The following EXD3 variants were observed in gnomAD, a reference collection of about 807,000 sequenced individuals.
EXD3 encodes exonuclease mut-7 homolog.
A neutral mutation model predicts 98.0 loss-of-function variants in EXD3; 92 were observed. The ratio of observed to expected loss-of-function variants is 0.94; its 90% CI spans 0.79 to 1.12. EXD3 has a LOEUF of 1.12. EXD3 is among the 50% of genes most tolerant of loss of function. The probability of loss-of-function intolerance (pLI) is 0.00; values close to 1 mark genes in which losing one functional copy is unlikely to be tolerated. For synonymous variants in EXD3, 569 were observed against 526.0 expected, an observed-to-expected ratio of 1.08 and a Z score of -1.12; for missense variants, 1,222 against 1,191.6, an observed-to-expected ratio of 1.03 and a Z score of -0.38.
chr9:137,388,464 G>A (rs770993049), intron 2 of EXD3, among the ~76,000 whole-genome samples: 17 of 152,172 alleles, frequency 1.1e-4, no homozygotes, highest in Non-Finnish European at 5.9e-5. Flanking sequence ...ACAGACGCAC[G>A]CGGGAAACTG....
rs201801336 is a variant in EXD3 at position 137,351,401 on chromosome 9, G to C, written c.1301C>G (p.Ser434Trp). The C allele has an allele frequency of 3.8e-5, 61 of 1,609,968 alleles. No individual in the cohort carries two copies. Among genetic ancestry groups the C allele is most frequent in the Non-Finnish European group, 5.0e-5 (59 of 1,179,026 alleles). Residue 434 changes from serine to tryptophan, a missense_variant, in exon 13 of 22, where the codon TCG becomes TGG. Transcript: ENST00000340951. ...HVFLLDVLALSQPPTGQGAQA... is the reference protein window; with the variant it reads ...HVFLLDVLALWQPPTGQGAQA... The stretch of plus-strand genomic sequence containing the variant: ...GGCTCCCTGCCCTGTTGGTGGCTGC[G>C]AGAGTGCCAGGACGTCCAGAAGGAA...
At chr9:137,338,251 G>A (rs912535350) in intron 17 of EXD3, among the ~76,000 whole-genome samples, 3 of 152,128 alleles carry the variant, frequency 2.0e-5, no homozygotes, top group East Asian at 1.9e-4. Flanking sequence ...AAAGCCCCAA[G>A]ATCCAAGCTT....
chr9:137,393,245 G>C lies in EXD3; in HGVS notation c.55+2058C>G. The C allele has an allele frequency of 1.4e-6, 1 of 702,550 alleles. No homozygotes were observed. The highest frequency in any genetic ancestry group is 2.7e-5 in the East Asian group (1 of 37,292). 43.5% of individuals were successfully genotyped at this position (702,550 alleles called of 1,614,324 possible). ...AGAAGCCTGTGGGTGCCTGTGCAGGGAGAGTCAGCTCTGTGCTGAGGCGAA... is the reference window on the plus strand; with the variant it reads ...AGAAGCCTGTGGGTGCCTGTGCAGGCAGAGTCAGCTCTGTGCTGAGGCGAA... On this transcript the variant is annotated intron_variant, in intron 2 of 21. Transcript: ENST00000340951. The surrounding 1 kb of genome is among the most constrained non-coding windows in gnomAD (Gnocchi z 4.6).
rs146453137 is a variant in EXD3, at chr9:137,391,245, C to T, written c.55+4058G>A. ...TTACGAGAGCGGCATGCGCTCATCACGGAGCTTCGTAGGAAAAGTGGCCTC... is the reference window on the plus strand; with the variant it reads ...TTACGAGAGCGGCATGCGCTCATCATGGAGCTTCGTAGGAAAAGTGGCCTC... On this transcript the variant is annotated intron_variant, in intron 2 of 21. Transcript: ENST00000340951. 2.0e-3 allele frequency among the ~76,000 whole-genome samples: 309 copies of T among 152,392 alleles called. 4 individuals are homozygous for T. In the East Asian group the frequency reaches 0.036, roughly 18 times the overall value.
At chr9:137,356,082 C>T (rs868107301) in intron 8 of EXD3, among the ~76,000 whole-genome samples, 186 bp downstream of exon 8, 1 of 152,318 alleles carries the variant, frequency 6.6e-6, no homozygotes, top group African/African-American at 2.4e-5. Flanking sequence ...AGTCGCAGGG[C>T]CCAGGCCAGG....
chr9:137,327,173 G>A (rs1446847220), intron 17 of EXD3, among the ~76,000 whole-genome samples: 1 of 149,286 alleles, frequency 6.7e-6, no homozygotes, highest in Non-Finnish European at 1.5e-5. Context: ...TTGCTCTGTC[G>A]CCCAGGCTGG....
chr9:137,406,362 G>A (rs1837714659), intron 1 of EXD3, among the ~76,000 whole-genome samples: 1 of 120,934 alleles, frequency 8.3e-6, no homozygotes, highest in South Asian at 2.8e-4. Context: ...ACAGAACCAG[G>A]GTGGCTGGCA....
At chr9:137,369,170 A>C in intron 5 of EXD3, among the ~76,000 whole-genome samples, 1 of 19,766 alleles carries the variant, frequency 5.1e-5, no homozygotes, top group South Asian at 1.3e-3. Context: ...GGCCGTGGGA[A>C]GGGGCGCAGG....
At chr9:137,394,869 C>T (rs778115887) in intron 2 of EXD3, among the ~76,000 whole-genome samples, 15 of 152,294 alleles carry the variant, frequency 9.8e-5, no homozygotes, top group East Asian at 3.9e-4. Flanking sequence ...ACCCTGGAAC[C>T]GCCCGAGACC....
At chr9:137,366,027 C>A in intron 7 of EXD3, 1 of 631,284 alleles carries the variant, frequency 1.6e-6, no homozygotes, top group Non-Finnish European at 2.9e-6. Context: ...CACACACATA[C>A]ATGCACACAC....
chr9:137,364,057 C>T (rs1355429964), intron 7 of EXD3, among the ~76,000 whole-genome samples: 1 of 151,978 alleles, frequency 6.6e-6, no homozygotes, highest in Non-Finnish European at 1.5e-5. Context: ...ATTCCTTTTC[C>T]ATCTGTTAGC....
intron 17 of EXD3, chr9:137,345,631 C>T (rs909397381): frequency 1.4e-5 from 2 of 144,688 alleles, no homozygotes. Flanking sequence ...CACTGCACTC[C>T]AGCCTGGGCA....
rs534564550 is a variant in EXD3, at chr9:137,373,215, C to G, written c.295-143G>C. On this transcript the variant is annotated intron_variant, in intron 4 of 21. Transcript: ENST00000340951. ...TCGGGTGGTCTGCAGGGCTGGGGCACGGGAGGGGCGAGGCCGGTCTCAGCA... is the reference window on the plus strand; with the variant it reads ...TCGGGTGGTCTGCAGGGCTGGGGCAGGGGAGGGGCGAGGCCGGTCTCAGCA... 20 of 1,160,916 alleles carry G rather than the reference C, an allele frequency of 1.7e-5. No homozygotes were observed. The Admixed American group carries it at 2.5e-4, about 15-fold the overall frequency. The allele number at this position is 1,160,916 out of a possible 1,614,324, so 71.9% of individuals were successfully genotyped here. A position where few individuals can be genotyped will look rare whatever the true frequency, so the allele number is the denominator to read the frequency against.
intron 7 of EXD3, among the ~76,000 whole-genome samples, chr9:137,362,530 C>G (rs1414404461): frequency 6.7e-6 from 1 of 148,544 alleles, no homozygotes; most frequent in Admixed American, 6.7e-5. Context: ...TTGATAGAGT[C>G]TCACTCTGTC....
intron 17 of EXD3, chr9:137,343,575 C>CTTCTTTTT (rs1833760503): frequency 1.8e-5 from 1 of 56,586 alleles, no homozygotes; most frequent in African/African-American, 7.9e-5. Flanking sequence ...ACTACTGTAT[C>CTTCTTTTT]TTTTTTTTTT....
intron 19 of EXD3, among the ~76,000 whole-genome samples, chr9:137,311,241 T>C (rs1831343257): frequency 1.3e-5 from 2 of 152,206 alleles, no homozygotes; most frequent in African/African-American, 2.4e-5. Context: ...TGTGCCATGA[T>C]GGCAGGTCCT....
In EXD3 at chr9:137,385,035, T is replaced by C. The variant is rs931970945; in HGVS notation, c.56-1658A>G. Among the ~76,000 whole-genome samples, 15 of 152,072 alleles carry C rather than the reference T, an allele frequency of 9.9e-5. No homozygotes were observed. Among genetic ancestry groups the C allele is most frequent in the Non-Finnish European group, 1.8e-4 (12 of 68,016 alleles). On this transcript the variant is annotated intron_variant, in intron 2 of 21. Transcript: ENST00000340951. The surrounding 1 kb of genome is among the most constrained non-coding windows in gnomAD (Gnocchi z 4.4). ...TGAACCCGGGAGGCGGAGGTCGCAG[T>C]GAGCCGAGATCGGGCCACTGCACTC...
At chr9:137,353,612 G>C in intron 10 of EXD3, 1 of 985,972 alleles carries the variant, frequency 1.0e-6, no homozygotes, top group Non-Finnish European at 1.2e-6. Flanking sequence ...AGCCACCGTG[G>C]CAGCGCCCAG....
intron 17 of EXD3, among the ~76,000 whole-genome samples, chr9:137,345,027 C>CAGG (rs1173854990): frequency 6.6e-6 from 1 of 152,260 alleles, no homozygotes; most frequent in Admixed American, 6.5e-5. Context: ...AGAAACAGGC[C>CAGG]AGGCTGCACC....
Sources: gnomAD v4.1 joint callset for allele counts (sites outside exome capture counted in the v4.1 genomes callset) on GRCh38, gnomAD v4.1.1 for gene constraint, Gnocchi (gnomAD v3.1) non-coding constraint, MANE v1.5 for transcripts, NCBI Gene and HGNC (gene_info 2026-07-23, HGNC 2026-07-21) for gene names.